Variants in QTMAN observed in about 807,000 individuals in gnomAD.
QTMAN encodes the protein tRNA-queuosine alpha-mannosyltransferase.
At chr2:144,211,656 T>A in the QTMAN span, 1 of 152,468 alleles carries the variant, frequency 6.6e-6, no homozygotes. Context: ...TCAAACCAAA[T>A]GGCATATAGC....
the QTMAN span, among the ~76,000 whole-genome samples, chr2:144,045,400 G>A: frequency 6.6e-6 from 1 of 152,192 alleles, no homozygotes; most frequent in South Asian, 2.1e-4. Context: ...TAAATAACCT[G>A]TTTAACACCA....
the QTMAN span, among the ~76,000 whole-genome samples, chr2:143,983,893 A>G: frequency 1.3e-5 from 2 of 152,234 alleles, no homozygotes; most frequent in South Asian, 2.1e-4. Context: ...ACAGTTACAA[A>G]TATCATTTAA....
chr2:144,130,634 A>T, the QTMAN span, among the ~76,000 whole-genome samples: 1 of 151,990 alleles, frequency 6.6e-6, no homozygotes, highest in East Asian at 1.9e-4. Context: ...CTATAGCTCA[A>T]GAATTTTGCC....
chr2:144,102,129 G>A, the QTMAN span, among the ~76,000 whole-genome samples: 1 of 152,136 alleles, frequency 6.6e-6, no homozygotes, highest in Non-Finnish European at 1.5e-5. Context: ...GACAGAGCTT[G>A]GTCTTTAAAT....
chr2:144,148,619 A>G, the QTMAN span, among the ~76,000 whole-genome samples: 1 of 151,780 alleles, frequency 6.6e-6, no homozygotes, highest in Non-Finnish European at 1.5e-5. Flanking sequence ...CTCAGGGTGG[A>G]CTATCTATAG....
At chr2:144,041,024 C>A in the QTMAN span, among the ~76,000 whole-genome samples, 1 of 152,104 alleles carries the variant, frequency 6.6e-6, no homozygotes, top group Non-Finnish European at 1.5e-5. Context: ...TTCATTCATT[C>A]ATTCATCCAT....
the QTMAN span, among the ~76,000 whole-genome samples, chr2:144,225,628 T>C: frequency 2.6e-5 from 4 of 152,182 alleles, no homozygotes; most frequent in Non-Finnish European, 5.9e-5. Context: ...GCTCCTGCTG[T>C]TTCTCCTCTC....
the QTMAN span, among the ~76,000 whole-genome samples, chr2:144,167,548 C>T: frequency 6.6e-6 from 1 of 152,148 alleles, no homozygotes; most frequent in African/African-American, 2.4e-5. Flanking sequence ...TTCCCCCATG[C>T]TGTTCTCGTG....
the QTMAN span, chr2:144,007,029 T>A: frequency 9.8e-5 from 52 of 530,336 alleles, no homozygotes; most frequent in African/African-American, 8.7e-4. Context: ...AGATATTTAG[T>A]AGTACCACCT....
At chr2:144,143,943 A>G in the QTMAN span, among the ~76,000 whole-genome samples, 3 of 151,944 alleles carry the variant, frequency 2.0e-5, no homozygotes, top group African/African-American at 7.2e-5. Context: ...AGCAGGAGTC[A>G]TACTTTTCAA....
At chr2:144,128,626 TG>T in the QTMAN span, among the ~76,000 whole-genome samples, 1 of 152,064 alleles carries the variant, frequency 6.6e-6, no homozygotes, top group Non-Finnish European at 1.5e-5. Flanking sequence ...TTCTAAATTC[TG>T]ATTCTGCTGC....
At chr2:143,947,647 A>C in the QTMAN span, among the ~76,000 whole-genome samples, 2 of 152,238 alleles carry the variant, frequency 1.3e-5, no homozygotes, top group Non-Finnish European at 2.9e-5. Flanking sequence ...GTACATTGAT[A>C]TTTAAAAAAA....
chr2:144,016,978 T>C, the QTMAN span, among the ~76,000 whole-genome samples: 3 of 151,914 alleles, frequency 2.0e-5, no homozygotes, highest in Non-Finnish European at 4.4e-5. Flanking sequence ...AAGGAGAAAA[T>C]GTATGTGAAC....
the QTMAN span, among the ~76,000 whole-genome samples, chr2:144,005,061 G>A: frequency 6.6e-6 from 1 of 151,988 alleles, no homozygotes; most frequent in South Asian, 2.1e-4. Flanking sequence ...ATAGCTATCA[G>A]ACGCGGGCCA....
the QTMAN span, among the ~76,000 whole-genome samples, chr2:144,048,641 T>C: frequency 3.5e-4 from 54 of 152,214 alleles, no homozygotes; most frequent in Admixed American, 4.6e-4. Flanking sequence ...GGTTGAAAAG[T>C]CCTACTATGA....
At chr2:144,062,450 C>T in the QTMAN span, among the ~76,000 whole-genome samples, 1 of 152,278 alleles carries the variant, frequency 6.6e-6, no homozygotes, top group African/African-American at 2.4e-5. Flanking sequence ...ACTCTAGAAC[C>T]CTTGCTCATA....
chr2:144,252,966 G>C, the QTMAN span, among the ~76,000 whole-genome samples: 1 of 152,136 alleles, frequency 6.6e-6, no homozygotes, highest in African/African-American at 2.4e-5. Flanking sequence ...AAATGATATG[G>C]TTTGGCTGTG....
the QTMAN span, among the ~76,000 whole-genome samples, chr2:144,197,267 A>C: frequency 0.011 from 1,671 of 152,070 alleles, 28 homozygotes; most frequent in African/African-American, 0.037. Flanking sequence ...TCGTTGACCA[A>C]AATGTTATGT....
At chr2:144,237,092 A>C in the QTMAN span, among the ~76,000 whole-genome samples, 1 of 152,166 alleles carries the variant, frequency 6.6e-6, no homozygotes, top group Non-Finnish European at 1.5e-5. Flanking sequence ...AGGTCAACAA[A>C]GCCCTATTCT....
Sources: gnomAD v4.1 joint callset for allele counts (sites outside exome capture counted in the v4.1 genomes callset) on GRCh38, gnomAD v4.1.1 for gene constraint, MANE v1.5 for transcripts, NCBI Gene and HGNC (gene_info 2026-07-23, HGNC 2026-07-21) for gene names.